LRIG1: variants seen among roughly 807,000 people sequenced by gnomAD.
LRIG1 encodes the protein leucine-rich repeats and immunoglobulin-like domains protein 1.
A neutral mutation model predicts 99.2 loss-of-function variants in LRIG1; 48 were observed. The ratio of observed to expected loss-of-function variants is 0.48; its 90% CI spans 0.38 to 0.62. LRIG1 has a LOEUF of 0.62. LRIG1 is among the 20% of genes least tolerant of loss of function. The probability of loss-of-function intolerance (pLI) is 0.00; values close to 1 mark genes in which losing one functional copy is unlikely to be tolerated. For synonymous variants in LRIG1, 772 were observed against 596.1 expected, an observed-to-expected ratio of 1.29 and a Z score of -4.30; for missense variants, 1,646 against 1,434.4, an observed-to-expected ratio of 1.15 and a Z score of -2.38.
intron 3 of LRIG1, among the ~76,000 whole-genome samples, chr3:66,428,190 G>C (rs1238315769): frequency 6.6e-6 from 1 of 152,162 alleles, no homozygotes; most frequent in African/African-American, 2.4e-5. Context: ...TCAGGTCATT[G>C]AGCTTGCATA....
At chr3:66,453,403 G>A (rs1404422406) in intron 2 of LRIG1, among the ~76,000 whole-genome samples, 1 of 152,172 alleles carries the variant, frequency 6.6e-6, no homozygotes, top group African/African-American at 2.4e-5. Flanking sequence ...CATTTCCACT[G>A]CACCAATGAG....
intron 9 of LRIG1, among the ~76,000 whole-genome samples, chr3:66,404,833 C>T (rs971429446): frequency 6.6e-6 from 1 of 151,084 alleles, no homozygotes; most frequent in Non-Finnish European, 1.5e-5. Flanking sequence ...TCACACCTTA[C>T]TGACCTTTAC....
At chr3:66,384,532 T>G (rs1216714957) in intron 13 of LRIG1, among the ~76,000 whole-genome samples, 1 of 152,032 alleles carries the variant, frequency 6.6e-6, no homozygotes, top group Non-Finnish European at 1.5e-5. Flanking sequence ...AGGCTTTTAC[T>G]CTACATGGCA....
At chr3:66,391,114 C>CT (rs1345126259) in intron 12 of LRIG1, among the ~76,000 whole-genome samples, 1 of 152,114 alleles carries the variant, frequency 6.6e-6, no homozygotes, top group Non-Finnish European at 1.5e-5. Flanking sequence ...CCATGAGACT[C>CT]TATTTTACAC....
chr3:66,420,299 A>AAAT (rs767973492), intron 3 of LRIG1, among the ~76,000 whole-genome samples: 7 of 152,228 alleles, frequency 4.6e-5, no homozygotes, highest in Non-Finnish European at 1.0e-4. Context: ...AAACAAAAAA[A>AAAT]CAAACAGAAA....
chr3:66,456,099 A>T (rs1343147866), intron 2 of LRIG1, among the ~76,000 whole-genome samples: 3 of 152,188 alleles, frequency 2.0e-5, no homozygotes, highest in African/African-American at 7.2e-5. Flanking sequence ...ATCTTGGTTC[A>T]CTCAACTCCA....
At chr3:66,383,928 TGA>T (rs765123441) in intron 14 of LRIG1, 61 bp downstream of exon 14, 133 of 1,560,482 alleles carry the variant, frequency 8.5e-5, no homozygotes, top group Non-Finnish European at 1.1e-4. Context: ...ACAGAGCATT[TGA>T]GAGTCTCTCT....
intron 16 of LRIG1, 93 bp downstream of exon 16, chr3:66,382,180 C>G (rs1340915066): frequency 1.4e-6 from 2 of 1,480,656 alleles, no homozygotes; most frequent in South Asian, 1.2e-5. Context: ...CATCTAATGC[C>G]AGGTACCTGC....
intron 1 of LRIG1, among the ~76,000 whole-genome samples, chr3:66,480,490 T>C (rs1300969021): frequency 6.7e-6 from 1 of 149,494 alleles, no homozygotes; most frequent in Non-Finnish European, 1.5e-5. Flanking sequence ...AAAAAAGTCC[T>C]GTTGCCCACC....
rs527515709 is a variant in LRIG1 at position 66,418,662 on chromosome 3, T to A, written c.366-1396A>T. Among the ~76,000 whole-genome samples, 102 of 152,316 alleles carry A rather than the reference T, an allele frequency of 6.7e-4. 1 individual carries two copies. The highest frequency in any genetic ancestry group is 2.4e-3 in the African/African-American group (99 of 41,574). On this transcript the variant is annotated intron_variant, in intron 3 of 18. Coordinates refer to ENST00000273261, the MANE Select transcript of LRIG1 (RefSeq NM_015541.3). ...AAACAGTGTCAGCATCTCTGGCCAA[T>A]CAAAGCATTCTTGAACACAACACAA... is the stretch of plus-strand genomic sequence containing the variant.
chr3:66,455,365 G>A (rs563067650), intron 2 of LRIG1, among the ~76,000 whole-genome samples: 3 of 152,326 alleles, frequency 2.0e-5, no homozygotes, highest in Admixed American at 2.0e-4. Flanking sequence ...TCCATCCTCT[G>A]GTCTGCCTCC....
At chr3:66,413,593 G>A (rs1461768231) in intron 5 of LRIG1, among the ~76,000 whole-genome samples, 1 of 152,196 alleles carries the variant, frequency 6.6e-6, no homozygotes, top group African/African-American at 2.4e-5. Context: ...TTGGCTTCTA[G>A]CCCCAGTATG....
At chr3:66,406,994 G>A (rs1702290926) in intron 8 of LRIG1, among the ~76,000 whole-genome samples, 1 of 152,166 alleles carries the variant, frequency 6.6e-6, no homozygotes, top group African/African-American at 2.4e-5. Flanking sequence ...CTGACCCACG[G>A]CTGCCGAACT....
At chr3:66,486,369 C>A (rs775481443) in intron 1 of LRIG1, among the ~76,000 whole-genome samples, 1 of 152,170 alleles carries the variant, frequency 6.6e-6, no homozygotes, top group Non-Finnish European at 1.5e-5. Context: ...TGCCTCTTAA[C>A]CACCGTGCGT....
At chr3:66,499,956 C>A (rs910200233) in intron 1 of LRIG1, among the ~76,000 whole-genome samples, 1 of 151,660 alleles carries the variant, frequency 6.6e-6, no homozygotes, top group African/African-American at 2.4e-5. Flanking sequence ...GTCTCCAGAC[C>A]CCACGAGGCA....
At chr3:66,413,789 A>G (rs1702540541) in intron 5 of LRIG1, among the ~76,000 whole-genome samples, 1 of 152,204 alleles carries the variant, frequency 6.6e-6, no homozygotes, top group African/African-American at 2.4e-5. Flanking sequence ...CCACAGACTG[A>G]AAATGGCAAA....
intron 15 of LRIG1, 51 bp from the exon 16 acceptor site, chr3:66,382,449 G>A (rs762953020): frequency 6.2e-7 from 1 of 1,607,498 alleles, no homozygotes; most frequent in East Asian, 2.2e-5. Flanking sequence ...GACAAGAAAT[G>A]CAGACACACG....
Position 66,385,938 on chromosome 3 carries a change from T to C in LRIG1, c.1789+43A>G, listed in dbSNP as rs769442185. 1.6e-5 allele frequency: 25 copies of C among 1,558,158 alleles called. No homozygotes were observed. The Admixed American group carries it at 3.6e-4, about 22-fold the overall frequency. Reference sequence around the variant, plus strand: ...GCTGAAAGGGCAATCAGGAGTGTGCTTTGTAGGATTCTGGTACTATAACAA... The same window carrying C: ...GCTGAAAGGGCAATCAGGAGTGTGCCTTGTAGGATTCTGGTACTATAACAA... On this transcript the variant is annotated intron_variant, in intron 13 of 18. Coordinates refer to ENST00000273261, the MANE Select transcript of LRIG1 (RefSeq NM_015541.3).
At position 66,500,418 on chromosome 3, in the gene LRIG1, G is replaced by A; in HGVS notation, c.-11C>T. On this transcript the variant is annotated 5_prime_UTR_variant, in exon 1 of 19. Coordinates refer to ENST00000273261, the MANE Select transcript of LRIG1 (RefSeq NM_015541.3). Reference sequence around the variant, plus strand: ...GACCGGCCGCGCCATCTTGTCTGGAGCGCGCTGCGAACTCCGGGCGCGGGG... The same window carrying A: ...GACCGGCCGCGCCATCTTGTCTGGAACGCGCTGCGAACTCCGGGCGCGGGG... 1 of 1,375,676 alleles carries A rather than the reference G, an allele frequency of 7.3e-7. No individual in the cohort carries two copies. Among genetic ancestry groups the A allele is most frequent in the South Asian group, 1.8e-5 (1 of 56,914 alleles). 85.2% of individuals were successfully genotyped at this position (1,375,676 alleles called of 1,614,324 possible).
Sources: gnomAD v4.1 joint callset for allele counts (sites outside exome capture counted in the v4.1 genomes callset) on GRCh38, gnomAD v4.1.1 for gene constraint, MANE v1.5 for transcripts, NCBI Gene and HGNC (gene_info 2026-07-23, HGNC 2026-07-21) for gene names.